The following PLEKHA7 variants were observed in gnomAD, a reference collection of about 807,000 sequenced individuals.
The protein encoded by PLEKHA7 is pleckstrin homology domain containing A7, also known as pleckstrin homology domain-containing family A member 7.
A neutral mutation model predicts 170.0 loss-of-function variants in PLEKHA7; 104 were observed. That is an observed-to-expected ratio of 0.61 (90% CI 0.52 to 0.72). The LOEUF (loss-of-function observed/expected upper bound fraction) is 0.72, where lower values mean the gene tolerates loss of function less well. PLEKHA7 is among the 30% of genes least tolerant of loss of function. The pLI, the probability that PLEKHA7 is intolerant of heterozygous loss-of-function variation, is 0.00. For missense variants in PLEKHA7, 1,615 were observed against 1,671.7 expected, an observed-to-expected ratio of 0.97 and a Z score of 0.59; for synonymous variants, 648 against 660.8, an observed-to-expected ratio of 0.98 and a Z score of 0.30.
intron 3 of PLEKHA7, among the ~76,000 whole-genome samples, chr11:16,878,654 G>A (rs1207621589): frequency 6.6e-6 from 1 of 152,174 alleles, no homozygotes; most frequent in Non-Finnish European, 1.5e-5. Context: ...GGAGTGCAGT[G>A]GCACAATCGC....
chr11:16,897,586 C>T (rs1857075104), intron 3 of PLEKHA7, among the ~76,000 whole-genome samples: 1 of 152,142 alleles, frequency 6.6e-6, no homozygotes, highest in South Asian at 2.1e-4. Context: ...AATGGGCCAC[C>T]CGCAGAGAAG....
intron 4 of PLEKHA7, among the ~76,000 whole-genome samples, chr11:16,861,567 T>A (rs527812941): frequency 6.6e-6 from 1 of 152,156 alleles, no homozygotes; most frequent in African/African-American, 2.4e-5. Context: ...AAGAACTGCT[T>A]GAACCTGGGA....
intron 3 of PLEKHA7, among the ~76,000 whole-genome samples, chr11:16,942,449 G>C (rs1490905254): frequency 6.6e-6 from 1 of 152,132 alleles, no homozygotes; most frequent in Admixed American, 6.5e-5. Flanking sequence ...TCACTGCTCT[G>C]AACTCCCAGG....
chr11:16,829,309 C>A (rs920240984), intron 9 of PLEKHA7, among the ~76,000 whole-genome samples: 2 of 152,206 alleles, frequency 1.3e-5, no homozygotes, highest in East Asian at 3.9e-4. Context: ...GCCACCCTGC[C>A]GGGGGCCTAA....
intron 3 of PLEKHA7, among the ~76,000 whole-genome samples, chr11:16,885,430 G>A (rs1856013213): frequency 1.3e-5 from 2 of 151,508 alleles, no homozygotes; most frequent in Admixed American, 1.3e-4. Flanking sequence ...AGGCTGAGGT[G>A]GGCGGATCAC....
At chr11:16,963,771 C>A (rs1274292232) in intron 3 of PLEKHA7, among the ~76,000 whole-genome samples, 1 of 152,218 alleles carries the variant, frequency 6.6e-6, no homozygotes, top group Non-Finnish European at 1.5e-5. Context: ...GGCATCTGAT[C>A]AGTAGGTGCA....
In PLEKHA7 at chr11:16,826,194, T is replaced by A; in HGVS notation, c.1269A>T (p.Glu423Asp). 1 of 1,614,234 alleles carries A rather than the reference T, an allele frequency of 6.2e-7. No individual in the cohort carries two copies. ...QRAFPPRTNPEKHSQRKSNLA... is the reference protein window; with the variant it reads ...QRAFPPRTNPDKHSQRKSNLA... ...GATTGCTCTTCCTTTGGCTGTGTTT[T>A]TCAGGGTTGGTCCTGGGAGGAAAGG... is the stretch of plus-strand genomic sequence containing the variant. The change falls in exon 10 of 27, where the codon GAA becomes GAT. Residue 423 changes from glutamate to aspartate, a missense_variant. Glu to Asp is a conservative substitution (Grantham distance 45). Coordinates refer to ENST00000531066, the MANE Select transcript of PLEKHA7 (RefSeq NM_001329630.2).
chr11:16,911,424 G>A (rs1036332294), intron 3 of PLEKHA7, among the ~76,000 whole-genome samples: 1 of 152,178 alleles, frequency 6.6e-6, no homozygotes, highest in Non-Finnish European at 1.5e-5. Flanking sequence ...AAACACCCCA[G>A]AGGGCATCGG....
intron 3 of PLEKHA7, among the ~76,000 whole-genome samples, chr11:16,953,151 G>A (rs944575167): frequency 6.6e-6 from 1 of 152,176 alleles, no homozygotes; most frequent in African/African-American, 2.4e-5. Flanking sequence ...CAGATGCACA[G>A]GAAGGGACAA....
rs1458720236 is a variant in PLEKHA7, at chr11:16,778,438, G to C, written c.*560C>G. On this transcript the variant is annotated 3_prime_UTR_variant, in exon 27 of 27. Transcript: ENST00000531066. The stretch of plus-strand genomic sequence containing the variant: ...TTGGGCTCCACGTGTGATCCTCGTG[G>C]AGTTTCACACAGAGCTGGTCATCAG... The C allele has an allele frequency of 6.4e-6, 1 of 157,120 alleles. No individual in the cohort carries two copies. The highest frequency in any genetic ancestry group is 1.4e-5 in the Non-Finnish European group (1 of 70,786). 9.7% of individuals were successfully genotyped at this position (157,120 alleles called of 1,614,324 possible).
intron 3 of PLEKHA7, among the ~76,000 whole-genome samples, chr11:16,965,734 G>T (rs1299189034): frequency 1.3e-5 from 2 of 152,182 alleles, no homozygotes; most frequent in Non-Finnish European, 2.9e-5. Context: ...AGGCAAATTA[G>T]GTCATTTCTT....
intron 3 of PLEKHA7, among the ~76,000 whole-genome samples, chr11:16,904,837 C>T (rs181198065): frequency 5.6e-4 from 85 of 152,088 alleles, no homozygotes; most frequent in African/African-American, 1.9e-3. Flanking sequence ...AAAAAGATAA[C>T]GCAATGTTAA....
chr11:16,857,521 T>C (rs1009947738), intron 4 of PLEKHA7, among the ~76,000 whole-genome samples: 2 of 152,346 alleles, frequency 1.3e-5, no homozygotes, highest in African/African-American at 4.8e-5. Flanking sequence ...AGAGGCGGCC[T>C]TGTCCATCCC....
chr11:16,809,248 C>G (rs758387393), intron 13 of PLEKHA7, among the ~76,000 whole-genome samples: 49 of 152,210 alleles, frequency 3.2e-4, no homozygotes, highest in Non-Finnish European at 6.5e-4. Flanking sequence ...GAAGGTAAAG[C>G]TTCTCAACGT....
chr11:16,875,105 A>C (rs1183023509), intron 3 of PLEKHA7, among the ~76,000 whole-genome samples: 2 of 152,214 alleles, frequency 1.3e-5, no homozygotes, highest in Non-Finnish European at 2.9e-5. Context: ...ACAGTTCTTC[A>C]AACTTTTTTC....
At chr11:16,876,518 A>T (rs1277744888) in intron 3 of PLEKHA7, among the ~76,000 whole-genome samples, 2 of 152,248 alleles carry the variant, frequency 1.3e-5, no homozygotes, top group African/African-American at 4.8e-5. Context: ...ATGGCAGGGA[A>T]GGATGATTCC....
intron 3 of PLEKHA7, among the ~76,000 whole-genome samples, chr11:16,987,214 G>A (rs928954330): frequency 3.3e-5 from 5 of 152,078 alleles, no homozygotes; most frequent in Non-Finnish European, 5.9e-5. Flanking sequence ...GTCCCCACCA[G>A]TGATCACTCC....
chr11:16,826,405 T>C lies in PLEKHA7; in HGVS notation c.1058A>G (p.Glu353Gly). 6.2e-7 allele frequency: 1 copy of C among 1,614,226 alleles called. No individual in the cohort carries two copies. Among genetic ancestry groups the C allele is most frequent in the Non-Finnish European group, 8.5e-7 (1 of 1,180,042 alleles). ...GGCCTTGCTCCGGTCCCGCTTGCCCTCCAGTGGGTCCCTCTGGGAACGGTA... is the reference window on the plus strand; with the variant it reads ...GGCCTTGCTCCGGTCCCGCTTGCCCCCCAGTGGGTCCCTCTGGGAACGGTA... ...EQYRSQRDPL[E>G]GKRDRSKARS... Residue 353 changes from glutamate (E) to glycine (G), a missense_variant, in exon 10 of 27, where the codon GAG (glutamate) becomes GGG (glycine). Transcript: ENST00000531066.
At position 16,778,887 on chromosome 11, in the gene PLEKHA7, G is replaced by A. The variant is rs952550987; in HGVS notation, c.*111C>T. 2.9e-6 allele frequency: 2 copies of A among 698,354 alleles called. No individual in the cohort carries two copies. The highest frequency in any genetic ancestry group is 5.2e-6 in the Non-Finnish European group (2 of 382,260). The allele number at this position is 698,354 out of a possible 1,614,324, so 43.3% of individuals were successfully genotyped here. A position where few individuals can be genotyped will look rare whatever the true frequency, so the allele number is the denominator to read the frequency against. On this transcript the variant is annotated 3_prime_UTR_variant, in exon 27 of 27. Coordinates refer to ENST00000531066, the MANE Select transcript of PLEKHA7 (RefSeq NM_001329630.2). ...AGTCGGTAAGCTGCTCCTTCCTCCG[G>A]CCGGATTCCCTGCTCAGCTGGAAGG...
Sources: allele counts gnomAD v4.1 joint callset (sites outside exome capture counted in the v4.1 genomes callset), GRCh38; gene constraint gnomAD v4.1.1; transcripts MANE v1.5; gene names NCBI Gene and HGNC (gene_info 2026-07-23, HGNC 2026-07-21).